KYNU: variants seen among roughly 807,000 people sequenced by gnomAD.
The protein encoded by KYNU is L-kynurenine hydrolase.
In KYNU, 54 loss-of-function variants were observed where a neutral mutation model predicts 59.2. The ratio of observed to expected loss-of-function variants is 0.91; its 90% confidence interval spans 0.73 to 1.14. The LOEUF is 1.14. KYNU is among the 50% of genes most tolerant of loss of function. KYNU has a pLI of 0.00. For synonymous variants in KYNU, 177 were observed against 192.0 expected (o/e 0.92, Z 0.65); for missense variants, 567 against 554.4 (o/e 1.02, Z -0.23).
At chr2:143,003,285 TG>T (rs1553487541) in intron 10 of KYNU, among the ~76,000 whole-genome samples, 4,476 of 151,802 alleles carry the variant, frequency 0.029, 87 homozygotes, top group Admixed American at 0.045. Flanking sequence ...TCTTTACAGC[TG>T]GGGGGGGTGG....
At chr2:142,996,977 A>G (rs1285362537) in intron 10 of KYNU, among the ~76,000 whole-genome samples, 1 of 152,152 alleles carries the variant, frequency 6.6e-6, no homozygotes, top group East Asian at 1.9e-4. Context: ...AGCTTGATGG[A>G]AATCTGAGCA....
intron 10 of KYNU, among the ~76,000 whole-genome samples, chr2:143,014,096 T>C (rs1686186872): frequency 6.6e-6 from 1 of 152,206 alleles, no homozygotes; most frequent in Non-Finnish European, 1.5e-5. Flanking sequence ...CACACACAGG[T>C]CCATTCTCCT....
At chr2:143,004,903 G>A (rs1487941879) in intron 10 of KYNU, among the ~76,000 whole-genome samples, 1 of 152,094 alleles carries the variant, frequency 6.6e-6, no homozygotes. Context: ...TACTAACGGG[G>A]TCACTAGTAT....
At chr2:142,954,694 A>G in intron 4 of KYNU, 116 bp from the exon 5 acceptor site, 1 of 710,212 alleles carries the variant, frequency 1.4e-6, no homozygotes, top group Non-Finnish European at 2.6e-6. Context: ...GACACATCAA[A>G]TATGCCCTTA....
At chr2:143,000,961 C>T (rs928528885) in intron 10 of KYNU, among the ~76,000 whole-genome samples, 1 of 152,180 alleles carries the variant, frequency 6.6e-6, no homozygotes, top group African/African-American at 2.4e-5. Flanking sequence ...TATCTTGAGT[C>T]TCTGGTTTCA....
intron 10 of KYNU, among the ~76,000 whole-genome samples, chr2:143,009,792 A>G (rs1686032610): frequency 8.7e-6 from 1 of 115,570 alleles, no homozygotes; most frequent in Non-Finnish European, 1.7e-5. Context: ...GCATATAAAC[A>G]GAGCCAAAGA....
chr2:142,974,853 C>T (rs895249817), intron 8 of KYNU, among the ~76,000 whole-genome samples: 1 of 152,150 alleles, frequency 6.6e-6, no homozygotes, highest in Non-Finnish European at 1.5e-5. Flanking sequence ...TCTGTCCAGC[C>T]TCTTCTCTCC....
At chr2:142,884,733 G>T (rs13034410) in intron 1 of KYNU, among the ~76,000 whole-genome samples, 2,314 of 121,890 alleles carry the variant, frequency 0.019, 38 homozygotes, top group African/African-American at 0.049. Flanking sequence ...TTGAGACAGG[G>T]TCTTGCTCTG....
At chr2:142,925,579 C>G (rs1683022160) in intron 3 of KYNU, among the ~76,000 whole-genome samples, 1 of 152,166 alleles carries the variant, frequency 6.6e-6, no homozygotes, top group African/African-American at 2.4e-5. Context: ...TTTACTTGTA[C>G]AAATGTGGAA....
intron 8 of KYNU, among the ~76,000 whole-genome samples, chr2:142,964,039 G>GT (rs953088309): frequency 1.2e-4 from 18 of 150,168 alleles, no homozygotes; most frequent in South Asian, 2.1e-4. Flanking sequence ...CTTTTATAAA[G>GT]TTTTTTTTTG....
chr2:143,018,422 T>A (rs2105214203), intron 10 of KYNU, among the ~76,000 whole-genome samples: 1 of 152,322 alleles, frequency 6.6e-6, no homozygotes, highest in East Asian at 1.9e-4. Flanking sequence ...GCTTGTTTTG[T>A]CTACTTTGTC....
At chr2:142,994,343 C>T (rs535835580) in intron 10 of KYNU, among the ~76,000 whole-genome samples, 32 of 152,208 alleles carry the variant, frequency 2.1e-4, no homozygotes, top group African/African-American at 5.3e-4. Context: ...ATATATTACT[C>T]ACAACAAACT....
At chr2:142,980,366 A>C (rs1374569310) in intron 8 of KYNU, among the ~76,000 whole-genome samples, 1 of 151,478 alleles carries the variant, frequency 6.6e-6, no homozygotes, top group Non-Finnish European at 1.5e-5. Context: ...GGTCTTTATG[A>C]CCTGTATCTT....
intron 13 of KYNU, 55 bp from the exon 14 acceptor site, chr2:143,041,992 A>G: frequency 6.3e-7 from 1 of 1,588,764 alleles, no homozygotes. Context: ...TGGAATGTAG[A>G]TTTTCAACGT....
In KYNU at chr2:143,049,381, A is replaced by G. The variant is rs1395856721; in HGVS notation, c.*7209A>G. 1 of 152,134 alleles carries G rather than the reference A, an allele frequency of 6.6e-6. No individual in the cohort carries two copies. The highest frequency in any genetic ancestry group is 1.5e-5 in the Non-Finnish European group (1 of 68,046). 9.4% of individuals were successfully genotyped at this position (152,134 alleles called of 1,614,324 possible). A position where few individuals can be genotyped will look rare whatever the true frequency, so the allele number is the denominator to read the frequency against. On this transcript the variant is annotated 3_prime_UTR_variant, in exon 14 of 14. Coordinates refer to ENST00000264170, the MANE Select transcript of KYNU (RefSeq NM_003937.3). ...CTGTTTTGCCTGGTGGCTGCCACCA[A>G]CGCTTTTAGCTACCTCCCTCCTCAA...
intron 2 of KYNU, among the ~76,000 whole-genome samples, chr2:142,905,175 G>T (rs1331445450): frequency 6.6e-6 from 1 of 152,016 alleles, no homozygotes; most frequent in Non-Finnish European, 1.5e-5. Flanking sequence ...GCTTTTTGTT[G>T]CCCCAGATTA....
intron 8 of KYNU, among the ~76,000 whole-genome samples, chr2:142,979,435 A>C (rs958117969): frequency 1.3e-5 from 2 of 152,168 alleles, no homozygotes; most frequent in African/African-American, 4.8e-5. Context: ...GAAAATTGTT[A>C]CAAGAGAGAT....
intron 2 of KYNU, among the ~76,000 whole-genome samples, chr2:142,897,122 A>C (rs528351291): frequency 6.6e-6 from 1 of 152,328 alleles, no homozygotes; most frequent in East Asian, 1.9e-4. Flanking sequence ...TGTGGTTAGA[A>C]AACATTTGTT....
At chr2:142,941,558 A>G (rs954097883) in intron 4 of KYNU, among the ~76,000 whole-genome samples, 4 of 152,244 alleles carry the variant, frequency 2.6e-5, no homozygotes, top group African/African-American at 9.6e-5. Flanking sequence ...ACCTTATATG[A>G]CAAATGCATT....
Sources: allele counts gnomAD v4.1 joint callset (sites outside exome capture counted in the v4.1 genomes callset), GRCh38; gene constraint gnomAD v4.1.1; transcripts MANE v1.5; gene names NCBI Gene and HGNC (gene_info 2026-07-23, HGNC 2026-07-21).